ARHGEF7: variants seen among roughly 807,000 people sequenced by gnomAD.
ARHGEF7 encodes the protein PAK-interacting exchange factor beta.
A neutral mutation model predicts 109.8 loss-of-function variants in ARHGEF7; 33 were observed. That is an observed-to-expected ratio of 0.30 (90% confidence interval 0.23 to 0.40). ARHGEF7 has a LOEUF of 0.40. Ranked by LOEUF, ARHGEF7 falls within the 10% of genes least tolerant of loss-of-function variation. The probability of loss-of-function intolerance (pLI) is 1.00; values close to 1 mark genes in which losing one functional copy is unlikely to be tolerated. For synonymous variants in ARHGEF7, 458 were observed against 424.6 expected (o/e 1.08, Z -0.97); for missense variants, 938 against 1,098.5 (o/e 0.85, Z 2.07).
intron 2 of ARHGEF7, among the ~76,000 whole-genome samples, chr13:111,161,049 T>C (rs2076702796): frequency 1.3e-5 from 2 of 152,230 alleles, no homozygotes; most frequent in Admixed American, 1.3e-4. Flanking sequence ...AAGGAAATGC[T>C]CATTGGAGTG....
At chr13:111,117,854 G>GC (rs917880345) in intron 1 of ARHGEF7, among the ~76,000 whole-genome samples, 1 of 152,158 alleles carries the variant, frequency 6.6e-6, no homozygotes, top group Non-Finnish European at 1.5e-5. Context: ...GAGCCACCAC[G>GC]CCCAGCCAGT....
intron 11 of ARHGEF7, 118 bp from the exon 12 acceptor site, chr13:111,275,414 G>C (rs56206316): frequency 3.5e-6 from 4 of 1,142,498 alleles, no homozygotes; most frequent in South Asian, 1.5e-5. Context: ...TAAATTATCT[G>C]TCTGAAGAAG....
chr13:111,243,850 A>T, intron 6 of ARHGEF7, 22 bp from the exon 7 acceptor site: 2 of 1,471,244 alleles, frequency 1.4e-6, no homozygotes, highest in Non-Finnish European at 9.5e-7. Context: ...GTCAAATAAC[A>T]CTTATTCATC....
chr13:111,252,235 A>G (rs1306586788), intron 8 of ARHGEF7, among the ~76,000 whole-genome samples: 1 of 152,206 alleles, frequency 6.6e-6, no homozygotes, highest in Admixed American at 6.5e-5. Context: ...CCCAGATGTA[A>G]TTATTGTTGA....
At chr13:111,289,815 A>G (rs370120130) in intron 18 of ARHGEF7, among the ~76,000 whole-genome samples, 5 of 151,966 alleles carry the variant, frequency 3.3e-5, no homozygotes, top group African/African-American at 1.2e-4. Flanking sequence ...AACCATTTTC[A>G]GTATTTTACT....
At chr13:111,277,151 C>T (rs539221370) in intron 12 of ARHGEF7, among the ~76,000 whole-genome samples, 29 of 152,216 alleles carry the variant, frequency 1.9e-4, no homozygotes, top group Admixed American at 3.3e-4. Context: ...TCCCCCTGAC[C>T]CCATTAAAAT....
At chr13:111,126,590 T>G (rs2067578453) in intron 1 of ARHGEF7, among the ~76,000 whole-genome samples, 1 of 152,234 alleles carries the variant, frequency 6.6e-6, no homozygotes, top group Admixed American at 6.5e-5. Flanking sequence ...AGCCATAATT[T>G]TCCATGATAA....
At chr13:111,139,226 A>G (rs1223227712) in intron 1 of ARHGEF7, among the ~76,000 whole-genome samples, 1 of 152,192 alleles carries the variant, frequency 6.6e-6, no homozygotes, top group Non-Finnish European at 1.5e-5. Context: ...GAGAGAAAAC[A>G]GACCTCAGAA....
chr13:111,169,811 C>T (rs2077431832), intron 2 of ARHGEF7, among the ~76,000 whole-genome samples: 1 of 152,126 alleles, frequency 6.6e-6, no homozygotes, highest in Non-Finnish European at 1.5e-5. Flanking sequence ...CTGGAGGTGG[C>T]TTGGTGAGTA....
chr13:111,163,487 C>G (rs998822511), intron 2 of ARHGEF7, among the ~76,000 whole-genome samples: 1 of 151,958 alleles, frequency 6.6e-6, no homozygotes, highest in Non-Finnish European at 1.5e-5. Context: ...GCCACAGATG[C>G]GATTTTAAGT....
upstream of ARHGEF7, chr13:111,114,998 A>T (rs1173711753): frequency 4.0e-5 from 6 of 151,742 alleles, no homozygotes; most frequent in Admixed American, 3.9e-4. Context: ...TTCAAAACAT[A>T]AACAAAGGCT....
intron 3 of ARHGEF7, 59 bp downstream of exon 3, chr13:111,205,432 G>A (rs1394362901): frequency 8.6e-6 from 11 of 1,275,600 alleles, no homozygotes; most frequent in Non-Finnish European, 1.2e-5. Flanking sequence ...TGACACCTTT[G>A]GTTTTCTTGT....
intron 5 of ARHGEF7, among the ~76,000 whole-genome samples, chr13:111,219,928 G>A (rs146336617): frequency 2.0e-5 from 3 of 152,324 alleles, no homozygotes; most frequent in Non-Finnish European, 4.4e-5. Context: ...ATCCGTTCAT[G>A]TGTAGAGCCC....
intron 1 of ARHGEF7, among the ~76,000 whole-genome samples, chr13:111,123,486 C>CAT (rs1462848114): frequency 1.3e-5 from 2 of 148,492 alleles, no homozygotes; most frequent in East Asian, 3.9e-4. Context: ...ACAAATCACA[C>CAT]ACACACACAT....
At chr13:111,294,917 T>C in intron 19 of ARHGEF7, 1 of 985,886 alleles carries the variant, frequency 1.0e-6, no homozygotes, top group Non-Finnish European at 1.2e-6. Flanking sequence ...ATATTAATTG[T>C]GTTTTGCATA....
intron 8 of ARHGEF7, among the ~76,000 whole-genome samples, chr13:111,246,723 G>T (rs879281900): frequency 7.2e-5 from 11 of 152,136 alleles, no homozygotes; most frequent in Admixed American, 7.2e-4. Flanking sequence ...GGTGAATGAA[G>T]GTCATTTGCT....
chr13:111,129,933 A>G (rs1434625521), intron 1 of ARHGEF7, among the ~76,000 whole-genome samples: 2 of 152,254 alleles, frequency 1.3e-5, no homozygotes, highest in Non-Finnish European at 1.5e-5. Flanking sequence ...ACAAGTGTTC[A>G]TAACAGCTGT....
rs2093623131 is a variant in ARHGEF7 at position 111,304,517 on chromosome 13, T to C, written c.*1404T>C. 1 of 152,270 alleles carries C rather than the reference T, an allele frequency of 6.6e-6. No homozygotes were observed. The highest frequency in any genetic ancestry group is 1.5e-5 in the Non-Finnish European group (1 of 68,062). 9.4% of individuals were successfully genotyped at this position (152,270 alleles called of 1,614,324 possible). On this transcript the variant is annotated 3_prime_UTR_variant, in exon 22 of 22. Transcript: ENST00000646102. ...GATTACTGGTCTCAGAACAACTCAT[T>C]GCGCATCAGATTTGACTCTCTGATT...
chr13:111,300,916 C>A (rs2093551039), intron 20 of ARHGEF7, 69 bp downstream of exon 20: 6 of 953,332 alleles, frequency 6.3e-6, no homozygotes, highest in Non-Finnish European at 3.1e-6. Context: ...GTCCAGACAA[C>A]TCCCTGAGGG....
Sources: gnomAD v4.1 joint callset for allele counts (sites outside exome capture counted in the v4.1 genomes callset) on GRCh38, gnomAD v4.1.1 for gene constraint, MANE v1.5 for transcripts, NCBI Gene and HGNC (gene_info 2026-07-23, HGNC 2026-07-21) for gene names.